The following ZNF330 variants were observed in gnomAD, a reference collection of about 807,000 sequenced individuals.
The protein encoded by ZNF330 is zinc finger protein 330.
Under a neutral mutation model 45.5 loss-of-function variants are expected in ZNF330, and 31 were observed. The observed-to-expected ratio is 0.68, with a 90% CI of 0.51 to 0.92. The LOEUF (loss-of-function observed/expected upper bound fraction) is 0.92, where lower values mean the gene tolerates loss of function less well. Among genes scored for constraint, ZNF330 ranks in the 40% least tolerant of loss-of-function variants. The pLI is 0.00. For missense variants in ZNF330, 356 were observed against 387.4 expected (o/e 0.92, Z 0.68); for synonymous variants, 138 against 123.2 (o/e 1.12, Z -0.79).
chr4:141,224,755 C>T (rs1442145638), intron 4 of ZNF330, 78 bp downstream of exon 4: 1 of 1,202,882 alleles, frequency 8.3e-7, no homozygotes, highest in East Asian at 2.3e-5. Flanking sequence ...GGGTTTGTTG[C>T]TATTGGTTAC....
At chr4:141,231,948 C>T (rs1728970942) in intron 8 of ZNF330, among the ~76,000 whole-genome samples, 1 of 152,084 alleles carries the variant, frequency 6.6e-6, no homozygotes, top group African/African-American at 2.4e-5. Context: ...AACCCTATGT[C>T]TTATTTATCT....
In ZNF330 at chr4:141,233,641, A is replaced by C. The variant is rs1483326689; in HGVS notation, c.689-74A>C. ...TTGAAGCAGCCAATGAAATCCATGA[A>C]ATTTTATAGAGGAAGATGAGAATGT... On this transcript the variant is annotated intron_variant, in intron 9 of 9. Coordinates refer to ENST00000262990, the MANE Select transcript of ZNF330 (RefSeq NM_014487.6). 4 of 1,474,156 alleles carry C rather than the reference A, an allele frequency of 2.7e-6. No individual in the cohort carries two copies. In the African/African-American group the frequency reaches 4.3e-5, roughly 16 times the overall value. 91.3% of individuals were successfully genotyped at this position (1,474,156 alleles called of 1,614,324 possible). A position where few individuals can be genotyped will look rare whatever the true frequency, so the allele number is the denominator to read the frequency against.
chr4:141,221,156 T>A (rs1728665782), intron 1 of ZNF330, 48 bp downstream of exon 1: 1 of 152,202 alleles, frequency 6.6e-6, no homozygotes, highest in Non-Finnish European at 1.5e-5. Context: ...CCGTTGCGGG[T>A]CCCCGAGCCG....
At position 141,232,541 on chromosome 4, in the gene ZNF330, A is replaced by G. The variant is rs760423789; in HGVS notation, c.587A>G (p.Asp196Gly). Residue 196 changes from aspartate to glycine, a missense_variant, in exon 9 of 10, where the codon GAT becomes GGT. Asp to Gly is a moderately conservative substitution (Grantham distance 94). Coordinates refer to ENST00000262990, the MANE Select transcript of ZNF330 (RefSeq NM_014487.6). ...CCTATACAGGCTTGTTTCTGTGATG[A>G]TCATACAAGGAGCAAAGTGTTTAAG... ...CLRCKACFCDDHTRSKVFKQE... is the reference protein window; with the variant it reads ...CLRCKACFCDGHTRSKVFKQE... The G allele has an allele frequency of 3.8e-6, 6 of 1,579,582 alleles. No individual in the cohort carries two copies. The highest frequency in any genetic ancestry group is 4.3e-6 in the Non-Finnish European group (5 of 1,165,918).
chr4:141,221,730 C>A (rs1446982568), intron 1 of ZNF330, among the ~76,000 whole-genome samples: 1 of 151,968 alleles, frequency 6.6e-6, no homozygotes, highest in Non-Finnish European at 1.5e-5. Flanking sequence ...TACTCTTAAA[C>A]GTAAATTTGA....
upstream of ZNF330, among the ~76,000 whole-genome samples, chr4:141,220,567 T>A (rs1376783632): frequency 1.3e-5 from 2 of 152,212 alleles, no homozygotes; most frequent in African/African-American, 4.8e-5. Flanking sequence ...AAAGGTGGGA[T>A]GTGAGGCACG....
chr4:141,227,302 C>A (rs571961116), intron 5 of ZNF330, among the ~76,000 whole-genome samples: 85 of 151,892 alleles, frequency 5.6e-4, no homozygotes, highest in Non-Finnish European at 1.1e-3. Context: ...CCACAACAGT[C>A]CCCGGTTTGT....
chr4:141,231,780 A>AATG (rs924912435), intron 8 of ZNF330, among the ~76,000 whole-genome samples: 4 of 152,058 alleles, frequency 2.6e-5, no homozygotes, highest in Non-Finnish European at 4.4e-5. Flanking sequence ...TATTTTAATT[A>AATG]ATGTCAAAAT....
At chr4:141,221,470 G>T (rs1429606800) in intron 1 of ZNF330, among the ~76,000 whole-genome samples, 1 of 152,170 alleles carries the variant, frequency 6.6e-6, no homozygotes, top group Non-Finnish European at 1.5e-5. Flanking sequence ...TGATCACCTC[G>T]TGATTATTTT....
Position 141,233,944 on chromosome 4 carries a change from G to T in ZNF330, c.918G>T (p.Arg306Ser), listed in dbSNP as rs746398411. The T allele has an allele frequency of 2.5e-6, 4 of 1,613,708 alleles. No homozygotes were observed. The Admixed American group carries it at 6.7e-5, about 27-fold the overall frequency. ...TGTTTACTAATTTGAATTTAGGAAG[G>T]ACCTATGCTAGTGGCTATGCTCACT... ...SDLFTNLNLG[R>S]TYASGYAHYE... is the part of the protein sequence containing the mutation. Residue 306 changes from arginine to serine, a missense_variant, in exon 10 of 10, where the codon AGG (arginine) becomes AGT (serine). By Grantham distance (110) the Arg-to-Ser change is moderately radical (BLOSUM62 -1). Coordinates refer to ENST00000262990, the MANE Select transcript of ZNF330 (RefSeq NM_014487.6).
Position 141,234,137 on chromosome 4 carries a change from C to A in ZNF330, c.*148C>A. Reference sequence around the variant, plus strand: ...TAATGGGCCAAGCAATAGGGTGTAGCGTTTTTATAGAACTGATAATCAGGC... The same window carrying A: ...TAATGGGCCAAGCAATAGGGTGTAGAGTTTTTATAGAACTGATAATCAGGC... On this transcript the variant is annotated 3_prime_UTR_variant, in exon 10 of 10. Coordinates refer to ENST00000262990, the MANE Select transcript of ZNF330 (RefSeq NM_014487.6). The A allele has an allele frequency of 1.5e-6, 2 of 1,366,302 alleles. No individual in the cohort carries two copies. The highest frequency in any genetic ancestry group is 1.9e-6 in the Non-Finnish European group (2 of 1,054,354). 84.6% of individuals were successfully genotyped at this position (1,366,302 alleles called of 1,614,324 possible).
intron 2 of ZNF330, among the ~76,000 whole-genome samples, chr4:141,223,342 T>C (rs1400746017): frequency 2.4e-5 from 3 of 123,300 alleles, no homozygotes; most frequent in African/African-American, 1.0e-4. Context: ...GAATAACTCA[T>C]ATTGCTGGGA....
At position 141,224,525 on chromosome 4, in the gene ZNF330, T is replaced by C. The variant is rs367928245; in HGVS notation, c.140+19T>C. On this transcript the variant is annotated intron_variant, in intron 3 of 9. Transcript: ENST00000262990. The stretch of plus-strand genomic sequence containing the variant: ...GTCAGAGGTAAATTTTATTTCTTTT[T>C]CTATCTACCTTTAATAAAATTGTCC... 1.2e-5 allele frequency: 19 copies of C among 1,605,732 alleles called. No homozygotes were observed. The African/African-American group carries it at 2.4e-4, about 20-fold the overall frequency.
At chr4:141,225,467 A>G (rs966596804) in intron 4 of ZNF330, among the ~76,000 whole-genome samples, 3 of 149,404 alleles carry the variant, frequency 2.0e-5, no homozygotes, top group Non-Finnish European at 4.4e-5. Flanking sequence ...AACCCAATTA[A>G]CTTTATTACT....
In ZNF330 at chr4:141,230,250, T is replaced by C. The variant is rs769734196; in HGVS notation, c.503T>C (p.Leu168Ser). ...QFEHQASCQVLEAETFKCVSC... is the reference protein window; with the variant it reads ...QFEHQASCQVSEAETFKCVSC... ...GAGCATCAAGCCAGCTGCCAGGTTT[T>C]AGAGGCAGAAACATTTAAATGTAAG... is the stretch of plus-strand genomic sequence containing the variant. The change falls in exon 7 of 10, where the codon TTA (leucine) becomes TCA (serine). Residue 168 changes from leucine to serine, a missense_variant. Transcript: ENST00000262990. 6.2e-6 allele frequency: 10 copies of C among 1,609,048 alleles called. No homozygotes were observed. The highest frequency in any genetic ancestry group is 8.5e-6 in the Non-Finnish European group (10 of 1,176,826).
chr4:141,222,554 AT>A, intron 2 of ZNF330, 63 bp downstream of exon 2: 1 of 1,523,084 alleles, frequency 6.6e-7, no homozygotes, highest in South Asian at 1.2e-5. Context: ...TATCTGACGT[AT>A]ACCTGAATAA....
intron 2 of ZNF330, chr4:141,224,053 T>TTA (rs1728745119): frequency 3.4e-6 from 1 of 294,466 alleles, no homozygotes; most frequent in Non-Finnish European, 6.6e-6. Context: ...TCTGTGAACT[T>TTA]TATTATTTTG....
intron 5 of ZNF330, among the ~76,000 whole-genome samples, chr4:141,227,058 T>TA (rs1158327956): frequency 6.6e-6 from 1 of 151,952 alleles, no homozygotes; most frequent in Non-Finnish European, 1.5e-5. Flanking sequence ...TTAGGGAACA[T>TA]ACAAGGCATG....
At chr4:141,230,405 G>T in intron 7 of ZNF330, 135 bp downstream of exon 7, 4 of 564,766 alleles carry the variant, frequency 7.1e-6, no homozygotes, top group Non-Finnish European at 9.1e-6. Context: ...TTTATTTTCT[G>T]TTTCTAGAAA....
Sources: allele counts gnomAD v4.1 joint callset (sites outside exome capture counted in the v4.1 genomes callset), GRCh38; gene constraint gnomAD v4.1.1; transcripts MANE v1.5; gene names NCBI Gene and HGNC (gene_info 2026-07-23, HGNC 2026-07-21).